The following DOCK9 variants were observed in gnomAD, a reference collection of about 807,000 sequenced individuals.
The protein encoded by DOCK9 is dedicator of cytokinesis 9, also known as dedicator of cytokinesis protein 9.
DOCK9 carries 89 observed loss-of-function variants against 263.3 expected under a neutral mutation model. That is an observed-to-expected ratio of 0.34 (90% CI 0.28 to 0.40). The LOEUF (loss-of-function observed/expected upper bound fraction) is 0.40. DOCK9 is among the 10% of genes least tolerant of loss of function. DOCK9 has a pLI of 1.00. For missense variants in DOCK9, 2,140 were observed against 2,603.4 expected (o/e 0.82, Z 3.87); for synonymous variants, 976 against 973.1 (o/e 1.00, Z -0.06).
exon 1 of DOCK9, chr13:99,086,319 C>T (rs1596074580): frequency 4.1e-6 from 6 of 1,475,242 alleles, no homozygotes; most frequent in Non-Finnish European, 5.4e-6. Flanking sequence ...TCCGAGTCTC[C>T]GCCGAGGCGG....
chr13:98,915,492 G>A lies in DOCK9; in HGVS notation c.729C>T (p.Val243=), dbSNP rs755060591. 3 of 1,611,148 alleles carry A rather than the reference G, an allele frequency of 1.9e-6. No homozygotes were observed. Among genetic ancestry groups the A allele is most frequent in the Admixed American group, 1.7e-5 (1 of 59,310 alleles). ...TCTTGAGCTCAAAAGCAAAACGCCT[G>A]ACTTTGTTGTTCTGAAATGAAAAAA... ...SCMGVVQNNK[V]RRFAFELKMQ... The change falls in exon 8 of 53, where the codon GTC becomes GTT. Residue 243 remains valine (V), a synonymous_variant. Coordinates refer to ENST00000682017, the MANE Select transcript of DOCK9 (RefSeq NM_001366683.2).
chr13:98,795,376 C>A (rs1299008877), intron 52 of DOCK9, among the ~76,000 whole-genome samples: 1 of 152,222 alleles, frequency 6.6e-6, no homozygotes, highest in East Asian at 1.9e-4. Flanking sequence ...CTGGAAGGAT[C>A]TGAGTGTAGG....
At chr13:99,034,725 T>C (rs1461563346) in intron 1 of DOCK9, among the ~76,000 whole-genome samples, 1 of 152,164 alleles carries the variant, frequency 6.6e-6, no homozygotes, top group African/African-American at 2.4e-5. Flanking sequence ...ATCTTCAAAT[T>C]TCTATTTTAA....
chr13:99,036,866 C>T (rs1408309750), intron 1 of DOCK9, among the ~76,000 whole-genome samples: 1 of 152,106 alleles, frequency 6.6e-6, no homozygotes, highest in Non-Finnish European at 1.5e-5. Flanking sequence ...GCAGCTGGAG[C>T]TAAGACACTA....
chr13:98,806,674 C>T (rs553169245), intron 48 of DOCK9, among the ~76,000 whole-genome samples: 12 of 152,022 alleles, frequency 7.9e-5, no homozygotes, highest in Non-Finnish European at 1.8e-4. Context: ...TTTGGGAGGC[C>T]GAGGCAGGCA....
chr13:98,859,573 A>G (rs1316737712), intron 33 of DOCK9: 3 of 152,078 alleles, frequency 2.0e-5, no homozygotes, highest in Non-Finnish European at 4.4e-5. Context: ...AAAGGCTGCC[A>G]TTTATTTTAT....
chr13:99,080,758 C>G (rs2042092243), intron 1 of DOCK9, among the ~76,000 whole-genome samples: 1 of 152,204 alleles, frequency 6.6e-6, no homozygotes, highest in Non-Finnish European at 1.5e-5. Flanking sequence ...CACTGAACCA[C>G]GTTTGACTCT....
intron 1 of DOCK9, among the ~76,000 whole-genome samples, chr13:99,041,987 A>G (rs558416343): frequency 3.3e-4 from 51 of 152,334 alleles, no homozygotes; most frequent in African/African-American, 1.1e-3. Context: ...GAAGTGTGAC[A>G]GAATAAATTT....
At chr13:98,895,007 G>A (rs1257043492) in intron 15 of DOCK9, among the ~76,000 whole-genome samples, 5 of 147,628 alleles carry the variant, frequency 3.4e-5, no homozygotes, top group East Asian at 4.0e-4. Context: ...GGCAGCATGC[G>A]CTACTCAGCT....
intron 25 of DOCK9, 61 bp downstream of exon 25, chr13:98,881,497 C>A: frequency 1.4e-6 from 2 of 1,395,916 alleles, no homozygotes; most frequent in South Asian, 2.6e-5. Flanking sequence ...AAAAATAAGT[C>A]CTTAGAAGGA....
At chr13:98,942,068 G>C (rs116807873) in intron 2 of DOCK9, among the ~76,000 whole-genome samples, 1 of 152,124 alleles carries the variant, frequency 6.6e-6, no homozygotes, top group Non-Finnish European at 1.5e-5. Context: ...GTGGACATAC[G>C]ACTAAATCTT....
chr13:98,841,382 C>A (rs1427080168), intron 38 of DOCK9, among the ~76,000 whole-genome samples: 2 of 152,132 alleles, frequency 1.3e-5, no homozygotes, highest in African/African-American at 4.8e-5. Flanking sequence ...ATCTTAAAAT[C>A]CTCTGTAAGG....
intron 38 of DOCK9, among the ~76,000 whole-genome samples, chr13:98,841,831 C>T (rs554558611): frequency 2.0e-5 from 3 of 151,498 alleles, no homozygotes; most frequent in South Asian, 2.1e-4. Flanking sequence ...TTAGTAGAGA[C>T]GGGGTTTCAC....
rs144721500 is a variant in DOCK9 at position 98,836,432 on chromosome 13, T to A, written c.4314+1062A>T. 5.9e-5 allele frequency among the ~76,000 whole-genome samples: 9 copies of A among 152,288 alleles called. No homozygotes were observed. In the East Asian group the frequency reaches 1.7e-3, roughly 29 times the overall value. On this transcript the variant is annotated intron_variant, in intron 39 of 52. Coordinates refer to ENST00000682017, the MANE Select transcript of DOCK9 (RefSeq NM_001366683.2). Reference sequence around the variant, plus strand: ...CATGTTTCTAGTAGAGGCACTGTGATGTTCAGGTCTCACACCCAGAGTTTC... The same window carrying A: ...CATGTTTCTAGTAGAGGCACTGTGAAGTTCAGGTCTCACACCCAGAGTTTC...
chr13:99,074,310 C>T (rs889150408), intron 1 of DOCK9, among the ~76,000 whole-genome samples: 2 of 152,244 alleles, frequency 1.3e-5, no homozygotes, highest in Non-Finnish European at 2.9e-5. Context: ...TTCCTAGGAG[C>T]GCTTCCAGGA....
At chr13:98,893,027 G>A (rs2046863743) in intron 15 of DOCK9, among the ~76,000 whole-genome samples, 1 of 152,172 alleles carries the variant, frequency 6.6e-6, no homozygotes, top group Admixed American at 6.5e-5. Context: ...AAGGAAAAGG[G>A]GAAGTGTGTA....
intron 13 of DOCK9, among the ~76,000 whole-genome samples, chr13:98,899,852 A>G (rs1216845728): frequency 6.6e-6 from 1 of 152,148 alleles, no homozygotes; most frequent in Non-Finnish European, 1.5e-5. Flanking sequence ...TAAGAAACTT[A>G]TTTTTTCCCT....
intron 1 of DOCK9, among the ~76,000 whole-genome samples, chr13:99,047,853 A>T (rs2040508612): frequency 6.6e-6 from 1 of 151,888 alleles, no homozygotes; most frequent in Non-Finnish European, 1.5e-5. Flanking sequence ...TCAAGCAACC[A>T]CCTTTCCAGG....
chr13:99,001,695 C>T (rs1255588420), intron 1 of DOCK9, among the ~76,000 whole-genome samples: 1 of 152,204 alleles, frequency 6.6e-6, no homozygotes, highest in East Asian at 1.9e-4. Context: ...GAAGACACAG[C>T]ATGGAGACAT....
Sources: allele counts gnomAD v4.1 joint callset (sites outside exome capture counted in the v4.1 genomes callset), GRCh38; gene constraint gnomAD v4.1.1; transcripts MANE v1.5; gene names NCBI Gene and HGNC (gene_info 2026-07-23, HGNC 2026-07-21).